WDR43: variants seen among roughly 807,000 people sequenced by gnomAD.
The protein encoded by WDR43 is WD repeat-containing protein 43.
A neutral mutation model predicts 91.4 loss-of-function variants in WDR43; 13 were observed. The ratio of observed to expected loss-of-function variants is 0.14; its 90% confidence interval spans 0.09 to 0.23. The LOEUF (loss-of-function observed/expected upper bound fraction) is 0.23, where lower values mean the gene tolerates loss of function less well. WDR43 is among the 10% of genes least tolerant of loss of function. The probability of loss-of-function intolerance (pLI) is 1.00; values close to 1 mark genes in which losing one functional copy is unlikely to be tolerated. For synonymous variants in WDR43, 331 were observed against 287.9 expected, an observed-to-expected ratio of 1.15 and a Z score of -1.51; for missense variants, 780 against 809.4, an observed-to-expected ratio of 0.96 and a Z score of 0.44.
chr2:28,922,077 C>G (rs1223047434), intron 6 of WDR43, among the ~76,000 whole-genome samples: 1 of 152,142 alleles, frequency 6.6e-6, no homozygotes, highest in African/African-American at 2.4e-5. Flanking sequence ...TAAAATCTCT[C>G]CTTTCTGAGA....
At chr2:28,895,121 G>A (rs1670452013) in intron 1 of WDR43, 198 bp downstream of exon 1, 4 of 442,270 alleles carry the variant, frequency 9.0e-6, no homozygotes, top group Admixed American at 9.4e-5. Context: ...GAGGGAGGGC[G>A]CAGCTCGACC....
chr2:28,912,847 AAGTT>A (rs2148184410), intron 4 of WDR43, 137 bp downstream of exon 4: 2 of 1,196,306 alleles, frequency 1.7e-6, no homozygotes, highest in Admixed American at 5.7e-5. Context: ...TAGTGGATAA[AAGTT>A]AGCCTCCTAA....
In WDR43 at chr2:28,926,600, T is replaced by G. The variant is rs753688871; in HGVS notation, c.1173+46T>G. Reference sequence around the variant, plus strand: ...AAGTTTTAAGAAAAAGAATATTTCTTTGGGTGAATGGAACTGTTACTTAGT... The same window carrying G: ...AAGTTTTAAGAAAAAGAATATTTCTGTGGGTGAATGGAACTGTTACTTAGT... On this transcript the variant is annotated intron_variant, in intron 9 of 17. Coordinates refer to ENST00000407426, the MANE Select transcript of WDR43 (RefSeq NM_015131.3). 12 of 1,478,340 alleles carry G rather than the reference T, an allele frequency of 8.1e-6. No individual in the cohort carries two copies. In the East Asian group the frequency reaches 9.8e-5, roughly 12 times the overall value. 91.6% of individuals were successfully genotyped at this position (1,478,340 alleles called of 1,614,324 possible).
At chr2:28,909,365 T>A (rs1670746155) in intron 3 of WDR43, among the ~76,000 whole-genome samples, 1 of 152,154 alleles carries the variant, frequency 6.6e-6, no homozygotes, top group Non-Finnish European at 1.5e-5. Context: ...ACTCCTGACC[T>A]CAGGTGATCC....
chr2:28,908,033 A>G (rs914257761), intron 3 of WDR43, among the ~76,000 whole-genome samples: 1 of 152,260 alleles, frequency 6.6e-6, no homozygotes, highest in Admixed American at 6.5e-5. Context: ...GAGAAGGCAG[A>G]TAGATTGTTA....
At chr2:28,937,795 A>T (rs1252156333) in intron 13 of WDR43, 136 bp from the exon 14 acceptor site, 1 of 778,738 alleles carries the variant, frequency 1.3e-6, no homozygotes, top group African/African-American at 1.7e-5. Flanking sequence ...ATATATACAC[A>T]GTGATATATT....
At chr2:28,898,719 A>G (rs903638084) in intron 1 of WDR43, among the ~76,000 whole-genome samples, 2 of 152,066 alleles carry the variant, frequency 1.3e-5, no homozygotes, top group Non-Finnish European at 2.9e-5. Context: ...AATAGAATGG[A>G]AAGTATCAGA....
At chr2:28,945,814 G>A (rs1671533494) in intron 16 of WDR43, among the ~76,000 whole-genome samples, 1 of 152,108 alleles carries the variant, frequency 6.6e-6, no homozygotes, top group African/African-American at 2.4e-5. Context: ...TAATATATCA[G>A]TTGCTAATAT....
intron 4 of WDR43, chr2:28,913,719 A>C: frequency 1.9e-6 from 1 of 531,140 alleles, no homozygotes; most frequent in South Asian, 1.4e-5. Flanking sequence ...TAAAATGAGG[A>C]CCTACAATTC....
intron 6 of WDR43, among the ~76,000 whole-genome samples, chr2:28,918,626 C>T (rs974112413): frequency 1.3e-5 from 2 of 152,128 alleles, no homozygotes; most frequent in Non-Finnish European, 2.9e-5. Flanking sequence ...ACCTCAGCCT[C>T]CCAAAGTGCT....
intron 6 of WDR43, among the ~76,000 whole-genome samples, chr2:28,918,362 C>CT (rs1469238978): frequency 6.6e-5 from 10 of 151,430 alleles, no homozygotes; most frequent in African/African-American, 2.2e-4. Flanking sequence ...TTTTTTATCT[C>CT]TTTTTTTCTT....
intron 6 of WDR43, among the ~76,000 whole-genome samples, chr2:28,920,151 T>C (rs1670994035): frequency 6.6e-6 from 1 of 151,770 alleles, no homozygotes; most frequent in Non-Finnish European, 1.5e-5. Context: ...TGGCCCCCTG[T>C]GACTGTAAAA....
intron 13 of WDR43, among the ~76,000 whole-genome samples, chr2:28,937,338 A>G (rs763855354): frequency 2.6e-5 from 4 of 152,184 alleles, no homozygotes; most frequent in Non-Finnish European, 4.4e-5. Context: ...AAACATTTAA[A>G]TAACATGACA....
chr2:28,942,777 G>A (rs564380821), intron 16 of WDR43, among the ~76,000 whole-genome samples: 1 of 151,800 alleles, frequency 6.6e-6, no homozygotes, highest in Non-Finnish European at 1.5e-5. Context: ...CACCATGCCC[G>A]GCCAACTTTG....
intron 3 of WDR43, among the ~76,000 whole-genome samples, chr2:28,908,945 A>G (rs1260125942): frequency 1.3e-5 from 2 of 151,338 alleles, no homozygotes; most frequent in African/African-American, 4.9e-5. Flanking sequence ...TTTTTTTTGT[A>G]CAAAATTTTG....
intron 11 of WDR43, among the ~76,000 whole-genome samples, chr2:28,932,471 C>G (rs1356539833): frequency 6.6e-6 from 1 of 151,964 alleles, no homozygotes; most frequent in Non-Finnish European, 1.5e-5. Context: ...CCAAGTAAAC[C>G]CTTTTTTAAA....
chr2:28,931,228 C>T (rs895380095), intron 11 of WDR43, among the ~76,000 whole-genome samples: 2 of 151,876 alleles, frequency 1.3e-5, no homozygotes, highest in South Asian at 2.1e-4. Flanking sequence ...GTTACAGGCG[C>T]ATGCCACCAT....
intron 16 of WDR43, among the ~76,000 whole-genome samples, chr2:28,943,326 G>C (rs1317778098): frequency 4.6e-5 from 7 of 152,036 alleles, no homozygotes; most frequent in Non-Finnish European, 8.8e-5. Context: ...GTAGAGATGA[G>C]GTCTCTTTGT....
intron 11 of WDR43, among the ~76,000 whole-genome samples, chr2:28,932,796 T>C (rs1037473260): frequency 6.6e-6 from 1 of 152,222 alleles, no homozygotes; most frequent in Non-Finnish European, 1.5e-5. Flanking sequence ...GTGTAGCTTA[T>C]GCAAAAAGAG....
Sources: gnomAD v4.1 joint callset for allele counts (sites outside exome capture counted in the v4.1 genomes callset) on GRCh38, gnomAD v4.1.1 for gene constraint, MANE v1.5 for transcripts, NCBI Gene and HGNC (gene_info 2026-07-23, HGNC 2026-07-21) for gene names.